NAV2: variants seen among roughly 807,000 people sequenced by gnomAD.
NAV2 encodes the protein neuron navigator 2.
In NAV2, 54 loss-of-function variants were observed where a neutral mutation model predicts 223.2. The ratio of observed to expected loss-of-function variants is 0.24; its 90% confidence interval spans 0.19 to 0.30. NAV2 has a LOEUF of 0.30. NAV2 is among the 10% of genes least tolerant of loss of function. The probability of loss-of-function intolerance (pLI) is 1.00; values close to 1 mark genes in which losing one functional copy is unlikely to be tolerated. For missense variants in NAV2, 2,806 were observed against 3,147.5 expected, an observed-to-expected ratio of 0.89 and a Z score of 2.60; for synonymous variants, 1,279 against 1,239.3, an observed-to-expected ratio of 1.03 and a Z score of -0.67.
At chr11:19,559,031 G>C (rs1290820718) in intron 1 of NAV2, among the ~76,000 whole-genome samples, 1 of 152,200 alleles carries the variant, frequency 6.6e-6, no homozygotes, top group Non-Finnish European at 1.5e-5. Context: ...GTCAAAGCAA[G>C]TTACAAAGCC....
chr11:19,943,044 TAG>T (rs1473360736), intron 8 of NAV2, among the ~76,000 whole-genome samples: 1 of 152,192 alleles, frequency 6.6e-6, no homozygotes, highest in African/African-American at 2.4e-5. Context: ...ATGTCATTAA[TAG>T]AGTGATGGAT....
intron 1 of NAV2, among the ~76,000 whole-genome samples, chr11:19,768,993 T>C (rs928495730): frequency 2.6e-5 from 4 of 152,192 alleles, no homozygotes; most frequent in African/African-American, 9.6e-5. Flanking sequence ...GAACCTCTCA[T>C]TAGGCAGCTG....
chr11:19,528,872 G>T (rs527952293), intron 1 of NAV2, among the ~76,000 whole-genome samples: 12 of 139,800 alleles, frequency 8.6e-5, no homozygotes, highest in Admixed American at 6.1e-4. Context: ...GGAGTTTGCA[G>T]TTAGCTGAGA....
intron 1 of NAV2, among the ~76,000 whole-genome samples, chr11:19,597,015 G>T (rs1292223516): frequency 2.6e-5 from 4 of 152,186 alleles, no homozygotes; most frequent in African/African-American, 9.6e-5. Context: ...TCCACCAACT[G>T]CCTCCCTTTG....
chr11:19,483,843 C>A (rs1362383369), intron 1 of NAV2, among the ~76,000 whole-genome samples: 3 of 152,108 alleles, frequency 2.0e-5, no homozygotes, highest in African/African-American at 7.2e-5. Flanking sequence ...CTGTTCTTGT[C>A]TTTCAGAAGA....
chr11:19,447,775 G>A (rs1362654672), intron 1 of NAV2, among the ~76,000 whole-genome samples: 1 of 152,036 alleles, frequency 6.6e-6, no homozygotes, highest in Non-Finnish European at 1.5e-5. Flanking sequence ...CTTGTAAGAC[G>A]TGCTGCTTCT....
Position 20,045,462 on chromosome 11 carries a change from G to A in NAV2, c.3694G>A (p.Glu1232Lys), listed in dbSNP as rs749967756. Residue 1232 changes from glutamate to lysine, a missense_variant, in exon 14 of 38, where the codon GAG (glutamate) becomes AAG (lysine). Coordinates refer to ENST00000349880, the MANE Select transcript of NAV2 (RefSeq NM_145117.5). ...AGGCCTGCCAGTGCCCAAACTGAGG[G>A]AGCCTTCCAAAACAGCCCTAGGCAG... Reference protein sequence around the residue: ...SAGLPVPKLREPSKTALGSSL... With the variant: ...SAGLPVPKLRKPSKTALGSSL... 6.2e-7 allele frequency: 1 copy of A among 1,614,136 alleles called. No individual in the cohort carries two copies. Among genetic ancestry groups the A allele is most frequent in the Non-Finnish European group, 8.5e-7 (1 of 1,180,022 alleles).
intron 1 of NAV2, among the ~76,000 whole-genome samples, chr11:19,494,052 A>C (rs1370635927): frequency 6.6e-6 from 1 of 152,200 alleles, no homozygotes; most frequent in Non-Finnish European, 1.5e-5. Context: ...TGAGCTCTGC[A>C]GAGCAGTGGC....
intron 11 of NAV2, among the ~76,000 whole-genome samples, chr11:19,991,387 A>G (rs1467536852): frequency 1.3e-5 from 2 of 152,114 alleles, no homozygotes; most frequent in Non-Finnish European, 2.9e-5. Flanking sequence ...AGCCTCCCAA[A>G]GTGCTGGTAT....
At chr11:19,477,530 G>T (rs981170127) in intron 1 of NAV2, among the ~76,000 whole-genome samples, 3 of 152,154 alleles carry the variant, frequency 2.0e-5, no homozygotes, top group African/African-American at 7.2e-5. Flanking sequence ...GGTCTATGTG[G>T]TCTATATGGT....
chr11:19,354,335 G>C (rs1277010504), intron 1 of NAV2, among the ~76,000 whole-genome samples: 1 of 152,212 alleles, frequency 6.6e-6, no homozygotes, highest in Non-Finnish European at 1.5e-5. Flanking sequence ...ATCTGGCTAC[G>C]GAGCACTTGA....
intron 1 of NAV2, among the ~76,000 whole-genome samples, chr11:19,385,938 A>AT (rs1387670888): frequency 4.0e-5 from 6 of 151,306 alleles, no homozygotes; most frequent in East Asian, 2.0e-4. Context: ...ATTTTTTTGT[A>AT]TTTTTTTAGT....
At chr11:19,925,586 T>TA (rs2044674902) in intron 6 of NAV2, among the ~76,000 whole-genome samples, 1 of 152,008 alleles carries the variant, frequency 6.6e-6, no homozygotes, top group Admixed American at 6.6e-5. Flanking sequence ...CTGTCTCTAC[T>TA]AAAAATACAA....
intron 1 of NAV2, among the ~76,000 whole-genome samples, chr11:19,629,528 TTC>T (rs1370657302): frequency 2.8e-5 from 4 of 141,430 alleles, no homozygotes; most frequent in Non-Finnish European, 4.5e-5. Flanking sequence ...CTTTCTTTTT[TTC>T]TCTCTCTCTC....
At chr11:19,784,336 C>A (rs2056950882) in intron 1 of NAV2, among the ~76,000 whole-genome samples, 2 of 128,796 alleles carry the variant, frequency 1.6e-5, no homozygotes, top group Admixed American at 9.6e-5. Context: ...TGCGGTGAGC[C>A]AAGATGGCAC....
At chr11:20,034,527 G>T (rs1012928600) in intron 11 of NAV2, among the ~76,000 whole-genome samples, 21 of 152,194 alleles carry the variant, frequency 1.4e-4, no homozygotes, top group Admixed American at 5.2e-4. Context: ...TTATAGGCAT[G>T]TGCCACCACC....
At chr11:19,417,877 A>G (rs1036763771) in intron 1 of NAV2, among the ~76,000 whole-genome samples, 2 of 152,148 alleles carry the variant, frequency 1.3e-5, no homozygotes, top group African/African-American at 4.8e-5. Flanking sequence ...GGAGCAAAAA[A>G]CCAAACACCA....
rs955860724 is a variant in NAV2, at chr11:19,933,122, C to G, written c.932-54C>G. The stretch of plus-strand genomic sequence containing the variant: ...GTGGCCATGGCTGACCCTCCCTGGT[C>G]TTCAGTGCAGGTCAACAAGTATGAT... On this transcript the variant is annotated intron_variant, in intron 6 of 37. Coordinates refer to ENST00000349880, the MANE Select transcript of NAV2 (RefSeq NM_145117.5). This position sits in a 1 kb window ranked among gnomAD's most constrained non-coding sequence, Gnocchi z 4.3. 6.1e-6 allele frequency: 9 copies of G among 1,476,348 alleles called. No individual in the cohort carries two copies. The African/African-American group carries it at 1.3e-4, about 21-fold the overall frequency. 91.5% of individuals were successfully genotyped at this position (1,476,348 alleles called of 1,614,324 possible).
At chr11:19,479,895 C>T (rs2042228066) in intron 1 of NAV2, among the ~76,000 whole-genome samples, 2 of 152,126 alleles carry the variant, frequency 1.3e-5, no homozygotes, top group Admixed American at 1.3e-4. Flanking sequence ...AAAAGAAGGC[C>T]GAGGCTAGAG....
Sources: gnomAD v4.1 joint callset for allele counts (sites outside exome capture counted in the v4.1 genomes callset) on GRCh38, gnomAD v4.1.1 for gene constraint, Gnocchi (gnomAD v3.1) non-coding constraint, MANE v1.5 for transcripts, NCBI Gene and HGNC (gene_info 2026-07-23, HGNC 2026-07-21) for gene names.